Variants in ASTN2 observed in about 807,000 individuals in gnomAD.
ASTN2 encodes the protein astrotactin-2.
ASTN2 carries 54 observed loss-of-function variants against 139.8 expected under a neutral mutation model. The ratio of observed to expected loss-of-function variants is 0.39; its 90% CI spans 0.31 to 0.48. The LOEUF is 0.48. Among genes scored for constraint, ASTN2 ranks in the 20% least tolerant of loss-of-function variants. The pLI, the probability that ASTN2 is intolerant of heterozygous loss-of-function variation, is 0.95. For missense variants in ASTN2, 1,565 were observed against 1,725.1 expected (o/e 0.91, Z 1.64); for synonymous variants, 756 against 719.5 (o/e 1.05, Z -0.81).
chr9:116,882,078 C>T (rs568499083), intron 10 of ASTN2, among the ~76,000 whole-genome samples: 2 of 152,244 alleles, frequency 1.3e-5, no homozygotes, highest in South Asian at 4.2e-4. Flanking sequence ...TCCATCCATC[C>T]ATCCACCCAT....
chr9:116,998,090 T>C (rs1837075214), intron 7 of ASTN2, among the ~76,000 whole-genome samples: 1 of 152,190 alleles, frequency 6.6e-6, no homozygotes, highest in Non-Finnish European at 1.5e-5. Context: ...TTAAAAAGCT[T>C]AATTCCATTA....
At chr9:117,294,091 A>G (rs1834666659) in intron 1 of ASTN2, among the ~76,000 whole-genome samples, 2 of 152,202 alleles carry the variant, frequency 1.3e-5, no homozygotes, top group African/African-American at 4.8e-5. Context: ...TCCCCTTTCC[A>G]TGTTCAGATG....
At chr9:116,853,055 T>C (rs926277549) in intron 11 of ASTN2, among the ~76,000 whole-genome samples, 1 of 152,196 alleles carries the variant, frequency 6.6e-6, no homozygotes, top group Non-Finnish European at 1.5e-5. Context: ...TATGCTTCCA[T>C]TTTTAAAATT....
intron 10 of ASTN2, among the ~76,000 whole-genome samples, chr9:116,888,519 TTTTG>T (rs528663232): frequency 2.7e-4 from 41 of 152,182 alleles, no homozygotes; most frequent in African/African-American, 9.4e-4. Context: ...AGGTTCTTTC[TTTTG>T]TTTGTTTGTT....
chr9:116,586,843 C>CACACAT (rs1854177137), intron 19 of ASTN2, among the ~76,000 whole-genome samples: 2 of 149,090 alleles, frequency 1.3e-5, no homozygotes, highest in South Asian at 2.1e-4. Context: ...CACACACACA[C>CACACAT]ACACACACAC....
At chr9:116,588,819 C>G (rs10983253) in intron 19 of ASTN2, among the ~76,000 whole-genome samples, 1 of 152,080 alleles carries the variant, frequency 6.6e-6, no homozygotes, top group Non-Finnish European at 1.5e-5. Flanking sequence ...ATATGGGTAG[C>G]TGACCCACAT....
At position 116,975,229 on chromosome 9, in the gene ASTN2, G is replaced by A. The variant is rs767725294; in HGVS notation, c.1868C>T (p.Thr623Met). The change falls in exon 10 of 23, where the codon ACG becomes ATG. Residue 623 changes from threonine (T) to methionine (M), a missense_variant. By Grantham distance (81) the Thr-to-Met change is moderately conservative (BLOSUM62 -1). Transcript: ENST00000313400. Reference sequence around the variant, plus strand: ...CTACCTGACATCTGCAGGGTCTTCCGTGACGAGCACATCGGTCTTGCAGCT... The same window carrying A: ...CTACCTGACATCTGCAGGGTCTTCCATGACGAGCACATCGGTCTTGCAGCT... ...LASCKTDVLV[T>M]EDPADVREEA... 32 of 1,612,552 alleles carry A rather than the reference G, an allele frequency of 2.0e-5. No homozygotes were observed. Among genetic ancestry groups the A allele is most frequent in the Non-Finnish European group, 2.3e-5 (27 of 1,179,230 alleles).
At chr9:116,666,200 G>GT (rs1433474874) in intron 16 of ASTN2, among the ~76,000 whole-genome samples, 2 of 152,294 alleles carry the variant, frequency 1.3e-5, no homozygotes, top group African/African-American at 4.8e-5. Flanking sequence ...CAAACCTAAT[G>GT]TGACTACAAG....
At chr9:116,620,538 C>T in intron 17 of ASTN2, 95 bp from the exon 18 acceptor site, 1 of 1,497,494 alleles carries the variant, frequency 6.7e-7, no homozygotes, top group Non-Finnish European at 9.2e-7. Flanking sequence ...CCATCGAGGG[C>T]TTTAGAGTAG....
chr9:116,901,947 C>T (rs1834020849), intron 10 of ASTN2, among the ~76,000 whole-genome samples: 17 of 152,136 alleles, frequency 1.1e-4, no homozygotes. Flanking sequence ...ATTACTTGAA[C>T]CCGGGAGGCA....
At chr9:117,279,693 C>T (rs1248912187) in intron 2 of ASTN2, among the ~76,000 whole-genome samples, 2 of 152,194 alleles carry the variant, frequency 1.3e-5, no homozygotes, top group Non-Finnish European at 2.9e-5. Context: ...GTACTCTTCA[C>T]TCAGCTTCCC....
intron 16 of ASTN2, among the ~76,000 whole-genome samples, chr9:116,691,374 G>A (rs1414464408): frequency 6.6e-6 from 1 of 152,144 alleles, no homozygotes; most frequent in Non-Finnish European, 1.5e-5. Flanking sequence ...TACTGGCAGC[G>A]TAGGTACTAC....
intron 19 of ASTN2, among the ~76,000 whole-genome samples, chr9:116,588,069 A>C (rs1425095716): frequency 6.6e-6 from 1 of 152,190 alleles, no homozygotes; most frequent in Non-Finnish European, 1.5e-5. Flanking sequence ...TGTTACTACA[A>C]AACTGAAACT....
chr9:116,545,252 G>C (rs1019791277), intron 19 of ASTN2, among the ~76,000 whole-genome samples: 1 of 152,322 alleles, frequency 6.6e-6, no homozygotes. Flanking sequence ...CCCCTAGATG[G>C]GGCTGGGTGC....
intron 5 of ASTN2, among the ~76,000 whole-genome samples, chr9:117,050,240 C>T (rs561539849): frequency 6.6e-6 from 1 of 152,152 alleles, no homozygotes; most frequent in South Asian, 2.1e-4. Context: ...CTACCAAGGA[C>T]GATCAGGACC....
At chr9:116,943,982 C>T (rs207470525) in intron 10 of ASTN2, among the ~76,000 whole-genome samples, 6 of 151,412 alleles carry the variant, frequency 4.0e-5, no homozygotes, top group South Asian at 2.1e-4. Context: ...ATTGTGAAGA[C>T]GGATATAGAA....
chr9:117,139,173 G>A (rs535603193), intron 4 of ASTN2, among the ~76,000 whole-genome samples: 162 of 152,302 alleles, frequency 1.1e-3, no homozygotes, highest in African/African-American at 3.7e-3. Context: ...AAAGCTATAC[G>A]AAATTTCAAG....
At chr9:116,633,857 G>A (rs974442597) in intron 17 of ASTN2, among the ~76,000 whole-genome samples, 1 of 152,120 alleles carries the variant, frequency 6.6e-6, no homozygotes, top group South Asian at 2.1e-4. Flanking sequence ...CCTTTGATAG[G>A]GAGCCTTTTA....
At chr9:116,576,320 A>G (rs1273078036) in intron 19 of ASTN2, among the ~76,000 whole-genome samples, 2 of 152,228 alleles carry the variant, frequency 1.3e-5, no homozygotes, top group Non-Finnish European at 2.9e-5. Context: ...TCCCTATTAT[A>G]CATGCAAGAA....
Sources: gnomAD v4.1 joint callset for allele counts (sites outside exome capture counted in the v4.1 genomes callset) on GRCh38, gnomAD v4.1.1 for gene constraint, MANE v1.5 for transcripts, NCBI Gene and HGNC (gene_info 2026-07-23, HGNC 2026-07-21) for gene names.